SERF2: variants seen among roughly 807,000 people sequenced by gnomAD.
SERF2 encodes the protein small EDRK-rich factor 2.
Under a neutral mutation model 10.7 loss-of-function variants are expected in SERF2, and 4 were observed. The observed-to-expected ratio is 0.37, with a 90% CI of 0.18 to 0.86. SERF2 has a LOEUF of 0.86. SERF2 is among the 40% of genes least tolerant of loss of function. The pLI is 0.43. For missense variants in SERF2, 47 were observed against 79.1 expected (o/e 0.59, Z 1.54); for synonymous variants, 26 against 26.0 (o/e 1.00, Z 0.01).
chr15:43,785,072 C>CTTT (rs756768224), intron 1 of SERF2, among the ~76,000 whole-genome samples: 1 of 125,696 alleles, frequency 8.0e-6, no homozygotes, highest in African/African-American at 2.9e-5. Flanking sequence ...TTATTTATTA[C>CTTT]TTTTTTTTTT....
At chr15:43,787,456 G>A (rs1042788882), upstream of SERF2, among the ~76,000 whole-genome samples, 3 of 152,200 alleles carry the variant, frequency 2.0e-5, no homozygotes, top group Non-Finnish European at 4.4e-5. Context: ...GGAATGCAAT[G>A]GTGCGATTTC....
Position 43,795,274 on chromosome 15 carries a change from A to G in SERF2, c.*1501A>G. 6.9e-6 allele frequency: 11 copies of G among 1,591,916 alleles called. No individual in the cohort carries two copies. Among genetic ancestry groups the G allele is most frequent in the East Asian group, 2.2e-5 (1 of 44,752 alleles). ...GGGCCTTAGCTTTTAGACCTGTTCTACCTCCTCACCAAATATAATGGCAGA... is the reference window on the plus strand; with the variant it reads ...GGGCCTTAGCTTTTAGACCTGTTCTGCCTCCTCACCAAATATAATGGCAGA... On this transcript the variant is annotated 3_prime_UTR_variant, in exon 3 of 3. Coordinates refer to ENST00000249786, the MANE Select transcript of SERF2 (RefSeq NM_001018108.4).
intron 1 of SERF2, 196 bp downstream of exon 1, chr15:43,792,579 G>A (rs2087088338): frequency 2.7e-6 from 4 of 1,466,362 alleles, no homozygotes; most frequent in Non-Finnish European, 3.6e-6. Context: ...ACCCTCCCGG[G>A]TTAGGCATAG....
In SERF2 at chr15:43,777,119, G is replaced by T. The variant is rs747636132; in HGVS notation, c.-910G>T. 6 of 757,100 alleles carry T rather than the reference G, an allele frequency of 7.9e-6. No individual in the cohort carries two copies. In the South Asian group the frequency reaches 8.9e-5, roughly 11 times the overall value. The allele number at this position is 757,100 out of a possible 1,614,324, so 46.9% of individuals were successfully genotyped here. A position where few individuals can be genotyped will look rare whatever the true frequency, so the allele number is the denominator to read the frequency against. On this transcript the variant is annotated 5_prime_UTR_variant, in exon 1 of 5. Transcript: ENST00000381359. ...CTCCCCGGCCAACCGCCCGGACCTC[G>T]GCGCTTTCTTCTAGGATCCGCATGA...
chr15:43,788,839 G>A (rs1002706700), upstream of SERF2, among the ~76,000 whole-genome samples: 1 of 152,078 alleles, frequency 6.6e-6, no homozygotes, highest in African/African-American at 2.4e-5. Context: ...AAAGGTCATC[G>A]TAAGGCTCAA....
At chr15:43,792,204 G>C (rs1467894882), upstream of SERF2, 1 of 656,190 alleles carries the variant, frequency 1.5e-6, no homozygotes, top group Non-Finnish European at 2.8e-6. Context: ...CCCGGCTCAA[G>C]CACGACCCGT....
rs370469096 is a variant in SERF2 at position 43,794,565 on chromosome 15, C to T, written c.*792C>T. The T allele has an allele frequency of 6.0e-6, 1 of 167,302 alleles. No homozygotes were observed. The highest frequency in any genetic ancestry group is 1.7e-4 in the East Asian group (1 of 5,786). The allele number at this position is 167,302 out of a possible 1,614,324, so 10.4% of individuals were successfully genotyped here. A position where few individuals can be genotyped will look rare whatever the true frequency, so the allele number is the denominator to read the frequency against. On this transcript the variant is annotated 3_prime_UTR_variant, in exon 3 of 3. Coordinates refer to ENST00000249786, the MANE Select transcript of SERF2 (RefSeq NM_001018108.4). Reference sequence around the variant, plus strand: ...AGCCTCTGTGCTCCTTTCTTCTATGCCCTGGTTTGTTCTGTGGTTCTGGGC... The same window carrying T: ...AGCCTCTGTGCTCCTTTCTTCTATGTCCTGGTTTGTTCTGTGGTTCTGGGC...
rs1332565264 is a variant in SERF2, at chr15:43,796,065, T to C, written c.*2292T>C. Reference sequence around the variant, plus strand: ...ATAAAAGGTAACAGCAGCTATAATCTGAGCATTCTGGGTAGAGGTTGGTAG... The same window carrying C: ...ATAAAAGGTAACAGCAGCTATAATCCGAGCATTCTGGGTAGAGGTTGGTAG... On this transcript the variant is annotated 3_prime_UTR_variant, in exon 3 of 3. Transcript: ENST00000249786. 1.1e-6 allele frequency: 1 copy of C among 950,010 alleles called. No individual in the cohort carries two copies. 58.8% of individuals were successfully genotyped at this position (950,010 alleles called of 1,614,324 possible). A position where few individuals can be genotyped will look rare whatever the true frequency, so the allele number is the denominator to read the frequency against.
chr15:43,792,819 C>G (rs1397098822), intron 1 of SERF2, 156 bp from the exon 2 acceptor site: 1 of 694,098 alleles, frequency 1.4e-6, no homozygotes, highest in Non-Finnish European at 2.4e-6. Context: ...TCGCCACTCC[C>G]CCCTACCCCA....
upstream of SERF2, among the ~76,000 whole-genome samples, chr15:43,790,034 C>G (rs1159933134): frequency 6.6e-6 from 1 of 151,346 alleles, no homozygotes; most frequent in Non-Finnish European, 1.5e-5. Flanking sequence ...CCCAGCTACT[C>G]GGGAAGCTGA....
chr15:43,792,654 C>T (rs945393343), intron 1 of SERF2: 8 of 1,371,662 alleles, frequency 5.8e-6, no homozygotes, highest in Non-Finnish European at 7.7e-6. Context: ...CCAGAGCCCC[C>T]ACTCCACAAG....
chr15:43,790,693 C>G (rs1049186808), upstream of SERF2, among the ~76,000 whole-genome samples: 2 of 151,682 alleles, frequency 1.3e-5, no homozygotes, highest in Admixed American at 6.6e-5. Flanking sequence ...AGCTTGAACA[C>G]AGGAAGCAGA....
rs1472877704 is a variant in SERF2 at position 43,793,014 on chromosome 15, A to G, written c.47A>G (p.Lys16Arg). The change falls in exon 2 of 3, where the codon AAA becomes AGA. Residue 16 changes from lysine (K) to arginine (R), a missense_variant. Lys to Arg is a conservative substitution (Grantham distance 26). Transcript: ENST00000249786. ...GAGCTCGCCCGCCAGAAGAATATGA[A>G]AAAGCAGAGCGACTCGGTTAAGGGA... ...QRELARQKNMKKQSDSVKGKR... is the reference protein window; with the variant it reads ...QRELARQKNMRKQSDSVKGKR... 2.5e-6 allele frequency: 4 copies of G among 1,612,962 alleles called. No individual in the cohort carries two copies. The South Asian group carries it at 4.4e-5, about 18-fold the overall frequency.
intron 1 of SERF2, among the ~76,000 whole-genome samples, chr15:43,778,950 T>C (rs1304795172): frequency 6.6e-6 from 1 of 151,998 alleles, no homozygotes; most frequent in Non-Finnish European, 1.5e-5. Context: ...ATGGGAGTCA[T>C]GGTGGAGGAA....
intron 1 of SERF2, 57 bp from the exon 2 acceptor site, chr15:43,792,918 T>A (rs1596040252): frequency 7.8e-7 from 1 of 1,278,156 alleles, no homozygotes. Context: ...GGTAGAAGGG[T>A]CGCCGGTGTG....
chr15:43,789,902 A>C (rs1053122150), upstream of SERF2, among the ~76,000 whole-genome samples: 81 of 152,112 alleles, frequency 5.3e-4, no homozygotes, highest in African/African-American at 1.9e-3. Flanking sequence ...GCACTGTGGG[A>C]GGCCGAGGCA....
At chr15:43,782,483 T>C (rs1397401812) in intron 1 of SERF2, among the ~76,000 whole-genome samples, 2 of 152,200 alleles carry the variant, frequency 1.3e-5, no homozygotes. Flanking sequence ...TCTAGGAGTA[T>C]AACTCTCCTC....
upstream of SERF2, chr15:43,792,075 C>A: frequency 9.8e-6 from 5 of 507,838 alleles, no homozygotes; most frequent in Non-Finnish European, 1.1e-5. Flanking sequence ...CCGCACCCCT[C>A]CACCCCCAAC....
At chr15:43,781,915 A>G (rs2086968494) in intron 1 of SERF2, among the ~76,000 whole-genome samples, 1 of 142,750 alleles carries the variant, frequency 7.0e-6, no homozygotes, top group Non-Finnish European at 1.5e-5. Flanking sequence ...TTTGAGACAC[A>G]GTTTGCTTTG....
Sources: allele counts gnomAD v4.1 joint callset (sites outside exome capture counted in the v4.1 genomes callset), GRCh38; gene constraint gnomAD v4.1.1; transcripts MANE v1.5; gene names NCBI Gene and HGNC (gene_info 2026-07-23, HGNC 2026-07-21).